Variants in CDYL2 observed in about 807,000 individuals in gnomAD.
CDYL2 encodes chromodomain Y-like protein 2.
A neutral mutation model predicts 49.4 loss-of-function variants in CDYL2; 23 were observed. That is an observed-to-expected ratio of 0.47 (90% CI 0.34 to 0.66). The LOEUF (loss-of-function observed/expected upper bound fraction) is 0.66. CDYL2 is among the 30% of genes least tolerant of loss of function. The probability of loss-of-function intolerance (pLI) is 0.01; values close to 1 mark genes in which losing one functional copy is unlikely to be tolerated. For synonymous variants in CDYL2, 360 were observed against 268.8 expected (o/e 1.34, Z -3.32); for missense variants, 678 against 656.4 (o/e 1.03, Z -0.36).
chr16:80,704,633 A>G (rs920937846), intron 1 of CDYL2, among the ~76,000 whole-genome samples: 7 of 152,246 alleles, frequency 4.6e-5, no homozygotes, highest in African/African-American at 1.7e-4. Flanking sequence ...AGGAAGTGAC[A>G]TTCAGAATGG....
chr16:80,631,477 G>A (rs1165733487), intron 3 of CDYL2, among the ~76,000 whole-genome samples: 1 of 152,106 alleles, frequency 6.6e-6, no homozygotes, highest in African/African-American at 2.4e-5. Flanking sequence ...AGTATTCATT[G>A]TTTCCCTATT....
intron 2 of CDYL2, among the ~76,000 whole-genome samples, chr16:80,663,288 G>A (rs968912607): frequency 2.6e-5 from 4 of 151,496 alleles, no homozygotes; most frequent in Non-Finnish European, 5.9e-5. Context: ...GAGGTGAGGT[G>A]GAGGGGAGAG....
chr16:80,665,185 C>G (rs931468605), intron 2 of CDYL2, among the ~76,000 whole-genome samples: 1 of 152,084 alleles, frequency 6.6e-6, no homozygotes, highest in Admixed American at 6.6e-5. Context: ...AAATATAGTT[C>G]TCACTGTCTA....
At chr16:80,779,122 G>A (rs1165358082) in intron 1 of CDYL2, among the ~76,000 whole-genome samples, 3 of 152,014 alleles carry the variant, frequency 2.0e-5, no homozygotes, top group African/African-American at 7.2e-5. Context: ...AGGAGGAAGG[G>A]AGGAGAACAG....
intron 1 of CDYL2, among the ~76,000 whole-genome samples, chr16:80,720,391 C>T (rs1904958173): frequency 6.6e-6 from 1 of 152,184 alleles, no homozygotes; most frequent in Admixed American, 6.5e-5. Context: ...GAACAGTCAC[C>T]ATGTAGTATC....
At chr16:80,625,304 A>C (rs1907253618) in intron 3 of CDYL2, among the ~76,000 whole-genome samples, 1 of 152,210 alleles carries the variant, frequency 6.6e-6, no homozygotes, top group Non-Finnish European at 1.5e-5. Flanking sequence ...CTCCATCATC[A>C]AAGGCAATAA....
At chr16:80,792,604 C>G (rs1362311283) in intron 1 of CDYL2, among the ~76,000 whole-genome samples, 2 of 152,174 alleles carry the variant, frequency 1.3e-5, no homozygotes, top group Non-Finnish European at 2.9e-5. Flanking sequence ...ACCAAGGTGA[C>G]AGGTGTGTTC....
intron 1 of CDYL2, among the ~76,000 whole-genome samples, chr16:80,757,463 C>A (rs972421391): frequency 7.3e-5 from 11 of 150,418 alleles, no homozygotes; most frequent in Admixed American, 6.6e-4. Context: ...TTGCTTGAGC[C>A]CAAGAGTTCA....
chr16:80,637,167 C>T (rs542428857), intron 2 of CDYL2, among the ~76,000 whole-genome samples: 9 of 151,576 alleles, frequency 5.9e-5, no homozygotes, highest in Admixed American at 6.6e-5. Context: ...CAAACCTGCA[C>T]GTTCTGTATA....
At chr16:80,708,129 A>G (rs1317554209) in intron 1 of CDYL2, among the ~76,000 whole-genome samples, 2 of 152,196 alleles carry the variant, frequency 1.3e-5, no homozygotes, top group Admixed American at 1.3e-4. Flanking sequence ...ATGGAAGGAT[A>G]GGAGGAAACT....
intron 1 of CDYL2, among the ~76,000 whole-genome samples, chr16:80,774,180 T>G (rs536629686): frequency 4.6e-5 from 7 of 152,016 alleles, no homozygotes; most frequent in African/African-American, 1.2e-4. Flanking sequence ...CAAAGAAAAT[T>G]TATTTGATAC....
rs8049284 is a variant in CDYL2 at position 80,684,982 on chromosome 16, A to C, written c.172T>G (p.Leu58Val). 21 of 1,613,730 alleles carry C rather than the reference A, an allele frequency of 1.3e-5. 2 individuals carry two copies. The South Asian group carries it at 2.3e-4, about 18-fold the overall frequency. ...ATCCTCTTGTCCTTGGACATGTGCA[A>C]CCCATTGAATTCATCAATAAACTCC... The part of the protein sequence containing the change: ...CEEFIDEFNG[L>V]HMSKDKRIKS... The change falls in exon 2 of 7, where the codon TTG becomes GTG. Residue 58 changes from leucine (L) to valine (V), a missense_variant. Leu to Val is a conservative substitution (Grantham distance 32). Around this residue, in one of 3 missense-constraint regions of CDYL2, gnomAD observed 478 missense variants for 427.0 expected, o/e 1.12. Transcript: ENST00000570137.
Position 80,684,429 on chromosome 16 carries a change from T to C in CDYL2, c.616+109A>G, listed in dbSNP as rs140264385. 6,421 of 1,022,480 alleles carry C rather than the reference T, an allele frequency of 6.3e-3. 28 individuals carry two copies. The highest frequency in any genetic ancestry group is 7.8e-3 in the Non-Finnish European group (5,382 of 692,292). 63.3% of individuals were successfully genotyped at this position (1,022,480 alleles called of 1,614,324 possible). ...GATGAAGGGGGAATTGCTGGCTAGC[T>C]AAGAGACGGGGATGGAGGTGGGGGT... On this transcript the variant is annotated intron_variant, in intron 2 of 6. Coordinates refer to ENST00000570137, the MANE Select transcript of CDYL2 (RefSeq NM_152342.4).
intron 1 of CDYL2, among the ~76,000 whole-genome samples, chr16:80,792,448 G>T (rs771159865): frequency 6.6e-5 from 10 of 152,194 alleles, no homozygotes; most frequent in Admixed American, 3.9e-4. Context: ...ATGATCCTGT[G>T]CTGTGTGTTG....
intron 1 of CDYL2, among the ~76,000 whole-genome samples, chr16:80,778,479 A>G (rs1907162215): frequency 6.6e-6 from 1 of 152,022 alleles, no homozygotes; most frequent in Non-Finnish European, 1.5e-5. Context: ...GAACTGAATT[A>G]TAAAACCCTC....
At chr16:80,633,733 T>C (rs909600541) in intron 2 of CDYL2, among the ~76,000 whole-genome samples, 1 of 152,214 alleles carries the variant, frequency 6.6e-6, no homozygotes, top group Non-Finnish European at 1.5e-5. Context: ...TAGGGCTTCC[T>C]CAGGCGCTGC....
intron 2 of CDYL2, among the ~76,000 whole-genome samples, chr16:80,643,917 A>G (rs1354793091): frequency 6.6e-6 from 1 of 152,226 alleles, no homozygotes; most frequent in African/African-American, 2.4e-5. Context: ...GGGGATTAAC[A>G]TTCAGCTCCT....
intron 1 of CDYL2, among the ~76,000 whole-genome samples, chr16:80,749,141 G>T (rs947234269): frequency 3.9e-5 from 6 of 151,970 alleles, no homozygotes; most frequent in African/African-American, 1.4e-4. Context: ...GGAGATTGTT[G>T]TGTGTGTGTT....
At chr16:80,756,584 A>G (rs35134902) in intron 1 of CDYL2, among the ~76,000 whole-genome samples, 16,929 of 152,128 alleles carry the variant, frequency 0.11, 1,429 homozygotes, top group African/African-American at 0.24. Context: ...GGCTGTTAAG[A>G]ATGATCTCTG....
Sources: allele counts gnomAD v4.1 joint callset (sites outside exome capture counted in the v4.1 genomes callset), GRCh38; gene constraint gnomAD v4.1.1; regional missense constraint gnomAD v4.1.1; transcripts MANE v1.5; gene names NCBI Gene and HGNC (gene_info 2026-07-23, HGNC 2026-07-21).